DPP6: variants seen among roughly 807,000 people sequenced by gnomAD.
DPP6 encodes A-type potassium channel modulatory protein DPP6.
Under a neutral mutation model 122.6 loss-of-function variants are expected in DPP6, and 69 were observed. That is an observed-to-expected ratio of 0.56 (90% CI 0.46 to 0.69). The LOEUF is 0.69. DPP6 is among the 30% of genes least tolerant of loss of function. DPP6 has a pLI of 0.00. For synonymous variants in DPP6, 418 were observed against 433.1 expected (o/e 0.97, Z 0.43); for missense variants, 928 against 1,116.9 (o/e 0.83, Z 2.41).
At chr7:154,373,817 C>T (rs1812883274) in intron 1 of DPP6, among the ~76,000 whole-genome samples, 1 of 152,150 alleles carries the variant, frequency 6.6e-6, no homozygotes, top group African/African-American at 2.4e-5. Context: ...CTGGCACCCA[C>T]CATTCAACTT....
chr7:154,183,592 C>G (rs150128182), intron 1 of DPP6, among the ~76,000 whole-genome samples: 6 of 152,296 alleles, frequency 3.9e-5, no homozygotes, highest in African/African-American at 1.2e-4. Context: ...TCCTTCCTCC[C>G]CTCCTCCTTT....
chr7:154,621,728 G>GTCT (rs1834690692), intron 5 of DPP6, among the ~76,000 whole-genome samples: 1 of 152,162 alleles, frequency 6.6e-6, no homozygotes, highest in East Asian at 1.9e-4. Context: ...GATAAAAAGG[G>GTCT]TCTTCCCATG....
intron 1 of DPP6, among the ~76,000 whole-genome samples, chr7:154,226,182 G>C (rs1299279751): frequency 6.6e-6 from 1 of 152,188 alleles, no homozygotes; most frequent in Admixed American, 6.5e-5. Flanking sequence ...AGGAAGATGA[G>C]AGGGAAGGTG....
chr7:153,975,931 A>G (rs1447479875), intron 1 of DPP6, among the ~76,000 whole-genome samples: 2 of 152,208 alleles, frequency 1.3e-5, no homozygotes, highest in Non-Finnish European at 2.9e-5. Flanking sequence ...TCTATTTCAC[A>G]TGGTTATTAT....
chr7:154,278,715 ATTAACCACATTGTTTAATATC>A (rs1269064695), intron 1 of DPP6, among the ~76,000 whole-genome samples: 1 of 152,204 alleles, frequency 6.6e-6, no homozygotes, highest in Non-Finnish European at 1.5e-5. Context: ...ATTTTAATGT[ATTAACCACATTGTTTAATATC>A]TTTAACCTCA....
chr7:153,814,657 A>G, the DPP6 span, among the ~76,000 whole-genome samples: 529 of 152,310 alleles, frequency 3.5e-3, 1 homozygote, highest in Admixed American at 6.1e-3. Flanking sequence ...CACAACCAAA[A>G]AGGAGAATTT....
chr7:154,557,474 A>C (rs899879081), intron 4 of DPP6, among the ~76,000 whole-genome samples: 1 of 152,172 alleles, frequency 6.6e-6, no homozygotes, highest in Non-Finnish European at 1.5e-5. Flanking sequence ...TCATTTCTTC[A>C]GCAAACATCT....
chr7:154,213,117 T>C (rs1799825268), intron 1 of DPP6, among the ~76,000 whole-genome samples: 1 of 152,040 alleles, frequency 6.6e-6, no homozygotes, highest in African/African-American at 2.4e-5. Context: ...GCTCTGATGG[T>C]CCAAGCAGTG....
the DPP6 span, among the ~76,000 whole-genome samples, chr7:153,784,044 T>C: frequency 6.6e-6 from 1 of 152,240 alleles, no homozygotes; most frequent in Non-Finnish European, 1.5e-5. Context: ...AGTTACCCTA[T>C]ACATGTTGGT....
At chr7:154,400,596 C>T (rs183422411) in intron 1 of DPP6, among the ~76,000 whole-genome samples, 1 of 152,310 alleles carries the variant, frequency 6.6e-6, no homozygotes, top group Admixed American at 6.5e-5. Flanking sequence ...CAGTTCAGAT[C>T]TCCCATTAGT....
At chr7:154,809,694 C>T (rs561285119) in intron 16 of DPP6, among the ~76,000 whole-genome samples, 6 of 152,248 alleles carry the variant, frequency 3.9e-5, no homozygotes, top group East Asian at 1.9e-4. Flanking sequence ...GTAACACATA[C>T]GCAGCTTGTC....
chr7:153,772,694 AG>A, the DPP6 span, among the ~76,000 whole-genome samples: 1 of 150,202 alleles, frequency 6.7e-6, no homozygotes, highest in African/African-American at 2.4e-5. Context: ...GGATTAAAAA[AG>A]AAAAAACTAT....
At chr7:154,645,626 T>C (rs1836415453) in intron 6 of DPP6, among the ~76,000 whole-genome samples, 1 of 152,194 alleles carries the variant, frequency 6.6e-6, no homozygotes, top group African/African-American at 2.4e-5. Context: ...CTGGGCACAC[T>C]TACTCCATCC....
At chr7:153,850,023 CCTT>C in the DPP6 span, among the ~76,000 whole-genome samples, 1 of 152,118 alleles carries the variant, frequency 6.6e-6, no homozygotes, top group African/African-American at 2.4e-5. Flanking sequence ...TTTTGTGCCT[CCTT>C]CTCATGCTTT....
intron 1 of DPP6, among the ~76,000 whole-genome samples, chr7:153,944,542 C>T (rs537317922): frequency 4.0e-5 from 6 of 151,734 alleles, no homozygotes; most frequent in South Asian, 2.1e-4. Flanking sequence ...CTTGCTGTGA[C>T]GTGGACTGGG....
the DPP6 span, among the ~76,000 whole-genome samples, chr7:153,813,505 T>C: frequency 6.6e-6 from 1 of 152,160 alleles, no homozygotes; most frequent in African/African-American, 2.4e-5. Context: ...TGTGTCTTTA[T>C]AGCAGCATGA....
At chr7:154,207,573 C>A (rs559990926) in intron 1 of DPP6, among the ~76,000 whole-genome samples, 14 of 152,246 alleles carry the variant, frequency 9.2e-5, no homozygotes, top group Admixed American at 3.9e-4. Context: ...TGCTTAGGGC[C>A]TGAAAACTTT....
intron 8 of DPP6, among the ~76,000 whole-genome samples, chr7:154,751,030 G>A (rs1587022042): frequency 6.6e-6 from 1 of 152,236 alleles, no homozygotes; most frequent in South Asian, 2.1e-4. Flanking sequence ...TGTTGGGCAA[G>A]TACTCACAGT....
chr7:154,106,184 C>T (rs1348475102), intron 1 of DPP6, among the ~76,000 whole-genome samples: 5 of 145,120 alleles, frequency 3.4e-5, no homozygotes, highest in African/African-American at 1.0e-4. Context: ...CCCCAGGCTC[C>T]GTTACTTCCT....
Sources: gnomAD v4.1 joint callset for allele counts (sites outside exome capture counted in the v4.1 genomes callset) on GRCh38, gnomAD v4.1.1 for gene constraint, MANE v1.5 for transcripts, NCBI Gene and HGNC (gene_info 2026-07-23, HGNC 2026-07-21) for gene names.